Variants in MBD3 observed in about 807,000 individuals in gnomAD.
MBD3 encodes methyl-CpG-binding domain protein 3.
In MBD3, 13 loss-of-function variants were observed where a neutral mutation model predicts 31.2. The observed-to-expected ratio is 0.42, with a 90% CI of 0.27 to 0.66. The LOEUF (loss-of-function observed/expected upper bound fraction) is 0.66. Among genes scored for constraint, MBD3 ranks in the 30% least tolerant of loss-of-function variants. MBD3 has a pLI of 0.26. For missense variants in MBD3, 440 were observed against 426.5 expected (o/e 1.03, Z -0.28); for synonymous variants, 223 against 187.4 (o/e 1.19, Z -1.55).
In MBD3 at chr19:1,578,379, C is replaced by G. The variant is rs575420688; in HGVS notation, c.837G>C (p.Glu279Asp). The change falls in exon 6 of 7, where the codon GAG becomes GAC. Residue 279 changes from glutamate (E) to aspartate (D), a missense_variant. Coordinates refer to ENST00000434436, the MANE Select transcript of MBD3 (RefSeq NM_001281453.2). This position sits in a 1 kb window ranked among gnomAD's most constrained non-coding sequence, Gnocchi z 6.1. ...TCTCCGGGTCCGGGTCGGGCTCCTC[C>G]TCCTCCTCCTCCTCGTCTTCCTCGT... ...DDDEEDEEEE[E>D]EEPDPDPEME... The G allele has an allele frequency of 6.2e-7, 1 of 1,603,668 alleles. No individual in the cohort carries two copies.
At chr19:1,591,628 C>A (rs1040986244) in intron 1 of MBD3, among the ~76,000 whole-genome samples, 1 of 151,590 alleles carries the variant, frequency 6.6e-6, no homozygotes, top group Non-Finnish European at 1.5e-5. Flanking sequence ...GAAGGCGCCA[C>A]GGGACACTGA....
chr19:1,582,857 T>C lies in MBD3; in HGVS notation c.409-145A>G, dbSNP rs2060659687. The C allele has an allele frequency of 2.8e-5, 20 of 704,326 alleles. No homozygotes were observed. The East Asian group carries it at 5.2e-4, about 18-fold the overall frequency. The allele number at this position is 704,326 out of a possible 1,614,324, so 43.6% of individuals were successfully genotyped here. ...ATCTCCCCTCCCACTGCCTTGGGTC[T>C]CCAGACCCTGCCCAGGCTTTCCACA... On this transcript the variant is annotated intron_variant, in intron 3 of 6. Coordinates refer to ENST00000434436, the MANE Select transcript of MBD3 (RefSeq NM_001281453.2).
chr19:1,582,090 T>TG (rs753684081), intron 4 of MBD3, among the ~76,000 whole-genome samples: 4 of 152,078 alleles, frequency 2.6e-5, no homozygotes, highest in Non-Finnish European at 5.9e-5. Context: ...TCTGTAGAGA[T>TG]GGGGTCTCAC....
At chr19:1,580,827 C>T (rs1049194741) in intron 5 of MBD3, among the ~76,000 whole-genome samples, 2 of 152,244 alleles carry the variant, frequency 1.3e-5, no homozygotes, top group African/African-American at 4.8e-5. Context: ...CAGCACCCAG[C>T]ATAGCCAGTC....
In MBD3 at chr19:1,575,964, G is replaced by A. The variant is rs1248690010; in HGVS notation, c.*2200C>T. 1 of 152,418 alleles carries A rather than the reference G, an allele frequency of 6.6e-6. No individual in the cohort carries two copies. Among genetic ancestry groups the A allele is most frequent in the Non-Finnish European group, 1.5e-5 (1 of 68,202 alleles). The allele number at this position is 152,418 out of a possible 1,614,324, so 9.4% of individuals were successfully genotyped here. The stretch of plus-strand genomic sequence containing the variant: ...ACTGATCGGGGTCTGTCAGTGACAG[G>A]AAGCTGGGCTGCGACAGAGAGGGAG... On this transcript the variant is annotated 3_prime_UTR_variant, in exon 7 of 7. Coordinates refer to ENST00000434436, the MANE Select transcript of MBD3 (RefSeq NM_001281453.2).
Position 1,578,402 on chromosome 19 carries a change from C to G in MBD3, c.814G>C (p.Glu272Gln). 1.2e-6 allele frequency: 2 copies of G among 1,604,434 alleles called. No homozygotes were observed. The highest frequency in any genetic ancestry group is 1.1e-5 in the South Asian group (1 of 91,056). ...TCCTCCTCCTCCTCCTCGTCTTCCT[C>G]GTCGTCGTCCTCAGCGCAGGCCTTG... ...LDKACAEDDD[E>Q]EDEEEEEEEP... is the part of the protein sequence containing the mutation. Residue 272 changes from glutamate to glutamine, a missense_variant, in exon 6 of 7, where the codon GAG (glutamate) becomes CAG (glutamine). Glu to Gln is a conservative substitution (Grantham distance 29, BLOSUM62 2). Around this residue, in one of 3 missense-constraint regions of MBD3, gnomAD observed 117 missense variants for 95.0 expected, o/e 1.23. Transcript: ENST00000434436. The surrounding 1 kb of genome is among the most constrained non-coding windows in gnomAD (Gnocchi z 6.1).
Position 1,578,416 on chromosome 19 carries a change from G to C in MBD3, c.800C>G (p.Ala267Gly). The C allele has an allele frequency of 6.2e-7, 1 of 1,605,234 alleles. No individual in the cohort carries two copies. The highest frequency in any genetic ancestry group is 8.5e-7 in the Non-Finnish European group (1 of 1,179,756). The change falls in exon 6 of 7, where the codon GCT becomes GGT. Residue 267 changes from alanine to glycine, a missense_variant. Physicochemically the swap from Ala to Gly is moderately conservative, Grantham distance 60. This residue lies in a region of MBD3 where 117 missense variants were observed against 95.0 expected (regional missense o/e 1.23). Coordinates refer to ENST00000434436, the MANE Select transcript of MBD3 (RefSeq NM_001281453.2). The surrounding 1 kb of genome is among the most constrained non-coding windows in gnomAD (Gnocchi z 6.1). ...DGEAPLDKAC[A>G]EDDDEEDEEE... ...CTCGTCTTCCTCGTCGTCGTCCTCA[G>C]CGCAGGCCTTGTCCAGCGGCGCCTC...
intron 5 of MBD3, among the ~76,000 whole-genome samples, chr19:1,579,325 G>C (rs894640181): frequency 2.6e-5 from 4 of 151,576 alleles, no homozygotes; most frequent in Non-Finnish European, 5.9e-5. Flanking sequence ...ACCATGGCTC[G>C]GGCGGCCTGA....
At chr19:1,588,409 A>C (rs1395101152) in intron 1 of MBD3, among the ~76,000 whole-genome samples, 1 of 152,300 alleles carries the variant, frequency 6.6e-6, no homozygotes, top group East Asian at 1.9e-4. Context: ...CAAGGAAGGA[A>C]GAAGAGACCC....
At position 1,584,691 on chromosome 19, in the gene MBD3, G is replaced by A. The variant is rs779339965; in HGVS notation, c.271-14C>T. ...GTCGGGCTTGCCCTGCGGGAGGAAG[G>A]ATATGCAGTCCGGCCTGGGGGCGCC... On this transcript the variant is annotated splice_polypyrimidine_tract_variant and intron_variant, in intron 2 of 6. Coordinates refer to ENST00000434436, the MANE Select transcript of MBD3 (RefSeq NM_001281453.2). 3 of 1,608,810 alleles carry A rather than the reference G, an allele frequency of 1.9e-6. No homozygotes were observed. The highest frequency in any genetic ancestry group is 2.5e-6 in the Non-Finnish European group (3 of 1,179,246).
Position 1,577,735 on chromosome 19 carries a change from T to A in MBD3, c.*429A>T, listed in dbSNP as rs1344260810. 2 of 164,944 alleles carry A rather than the reference T, an allele frequency of 1.2e-5. No homozygotes were observed. Among genetic ancestry groups the A allele is most frequent in the African/African-American group, 4.8e-5 (2 of 41,480 alleles). The allele number at this position is 164,944 out of a possible 1,614,324, so 10.2% of individuals were successfully genotyped here. On this transcript the variant is annotated 3_prime_UTR_variant, in exon 7 of 7. Coordinates refer to ENST00000434436, the MANE Select transcript of MBD3 (RefSeq NM_001281453.2). Reference sequence around the variant, plus strand: ...TCCTCACGCTGCACAGTGGGTGATGTGAGTTTCAAAACTACGCCTCCAGAC... The same window carrying A: ...TCCTCACGCTGCACAGTGGGTGATGAGAGTTTCAAAACTACGCCTCCAGAC...
In MBD3 at chr19:1,575,323, C is replaced by T. The variant is rs1040942797; in HGVS notation, c.*2841G>A. 5 of 440,262 alleles carry T rather than the reference C, an allele frequency of 1.1e-5. No individual in the cohort carries two copies. The highest frequency in any genetic ancestry group is 2.4e-5 in the Admixed American group (1 of 42,074). 27.3% of individuals were successfully genotyped at this position (440,262 alleles called of 1,614,324 possible). A position where few individuals can be genotyped will look rare whatever the true frequency, so the allele number is the denominator to read the frequency against. On this transcript the variant is annotated 3_prime_UTR_variant, in exon 7 of 7. Transcript: ENST00000434436. Reference sequence around the variant, plus strand: ...CTACTCGGGAGGCTGAGGCTTGAACCCAGAAGGTGGAGGTTGCAGTGAGCC... The same window carrying T: ...CTACTCGGGAGGCTGAGGCTTGAACTCAGAAGGTGGAGGTTGCAGTGAGCC...
In MBD3 at chr19:1,585,169, G is replaced by T; in HGVS notation, c.156C>A (p.Tyr52Ter). Residue 52 changes from tyrosine (Y) to a stop codon, truncating the protein, a stop_gained, in exon 2 of 7, where the codon TAC (tyrosine) becomes TAA (stop). Transcript: ENST00000434436. LOFTEE classifies it high-confidence loss of function. This position sits in a 1 kb window ranked among gnomAD's most constrained non-coding sequence, Gnocchi z 4.1. ...TGCTCAGGTCCATGGAGCCGCCCAG[G>T]TAGCGCGCCAGCTGCGGCTTGCTGC... is the stretch of plus-strand genomic sequence containing the variant. ...KFRSKPQLARYLGGSMDLSTF... is the reference protein window; with the variant it reads ...KFRSKPQLAR The T allele has an allele frequency of 6.2e-7, 1 of 1,608,798 alleles. No individual in the cohort carries two copies.
chr19:1,578,655 C>G lies in MBD3; in HGVS notation c.678-117G>C. 1.9e-6 allele frequency: 3 copies of G among 1,588,566 alleles called. No homozygotes were observed. The highest frequency in any genetic ancestry group is 1.7e-6 in the Non-Finnish European group (2 of 1,172,422). On this transcript the variant is annotated intron_variant, in intron 5 of 6. Transcript: ENST00000434436. The surrounding 1 kb of genome is among the most constrained non-coding windows in gnomAD (Gnocchi z 6.1). The stretch of plus-strand genomic sequence containing the variant: ...GGCCCGAGGGATCCACAGGCACCCC[C>G]CCAGGACCAGCCCTGGCCCGTGCCA...
Position 1,581,151 on chromosome 19 carries a change from T to C in MBD3, c.618A>G (p.Val206=), listed in dbSNP as rs758709631. 8 of 1,614,018 alleles carry C rather than the reference T, an allele frequency of 5.0e-6. No individual in the cohort carries two copies. In the African/African-American group the frequency reaches 1.1e-4, roughly 22 times the overall value. The part of the protein sequence containing the change: ...LSAAVEKNPG[V]WLNTTQPLCK... ...ACAGGGGCTGCGTGGTGTTGAGCCA[T>C]ACGCCGGGGTTCTTCTCCACGGCGG... Residue 206 remains valine (V), a synonymous_variant, in exon 5 of 7, where the codon GTA becomes GTG. Transcript: ENST00000434436.
At chr19:1,586,671 A>ATTTTT (rs4030111) in intron 1 of MBD3, among the ~76,000 whole-genome samples, 2,559 of 143,766 alleles carry the variant, frequency 0.018, 81 homozygotes, top group African/African-American at 0.04. Flanking sequence ...ACCACGCCTA[A>ATTTTT]TTTTTTTTTT....
In MBD3 at chr19:1,585,188, T is replaced by G; in HGVS notation, c.137A>C (p.Lys46Thr). Reference sequence around the variant, plus strand: ...GCCCAGGTAGCGCGCCAGCTGCGGCTTGCTGCGGAACTTCTTCCCGCTCGG... The same window carrying G: ...GCCCAGGTAGCGCGCCAGCTGCGGCGTGCTGCGGAACTTCTTCCCGCTCGG... ...YSPSGKKFRS[K>T]PQLARYLGGS... Residue 46 changes from lysine to threonine, a missense_variant, in exon 2 of 7, where the codon AAG becomes ACG. Physicochemically the swap from Lys to Thr is moderately conservative, Grantham distance 78. Coordinates refer to ENST00000434436, the MANE Select transcript of MBD3 (RefSeq NM_001281453.2). This position sits in a 1 kb window ranked among gnomAD's most constrained non-coding sequence, Gnocchi z 4.1. 6.2e-7 allele frequency: 1 copy of G among 1,604,808 alleles called. No individual in the cohort carries two copies.
In MBD3 at chr19:1,585,256, GACCCCAA is replaced by G. The variant is rs1568276498; in HGVS notation, c.111-49_111-43del. ...CGGTCGGCGCCCCGGGCGGACCCCAGACCCCAAACCCAGGCCTCGGCCGCAGACCCAA... is the reference window on the plus strand; with the variant it reads ...CGGTCGGCGCCCCGGGCGGACCCCAGACCCAGGCCTCGGCCGCAGACCCAA... On this transcript the variant is annotated intron_variant, in intron 1 of 6. Transcript: ENST00000434436. This position sits in a 1 kb window ranked among gnomAD's most constrained non-coding sequence, Gnocchi z 4.1. The G allele has an allele frequency of 6.5e-7, 1 of 1,541,014 alleles. No individual in the cohort carries two copies. Among genetic ancestry groups the G allele is most frequent in the African/African-American group, 1.4e-5 (1 of 73,274 alleles).
chr19:1,581,350 C>T (rs1917350237), intron 4 of MBD3, 81 bp from the exon 5 acceptor site: 8 of 1,437,514 alleles, frequency 5.6e-6, no homozygotes, highest in Middle Eastern at 4.7e-4. Flanking sequence ...CGGAAATGCC[C>T]CAAGAATGGG....
Sources: allele counts gnomAD v4.1 joint callset (sites outside exome capture counted in the v4.1 genomes callset), GRCh38; gene constraint gnomAD v4.1.1; regional missense constraint gnomAD v4.1.1; non-coding constraint Gnocchi (gnomAD v3.1); transcripts MANE v1.5; gene names NCBI Gene and HGNC (gene_info 2026-07-23, HGNC 2026-07-21).